Variants in FAM193A observed in about 807,000 individuals in gnomAD.
FAM193A encodes the protein protein FAM193A.
Under a neutral mutation model 126.5 loss-of-function variants are expected in FAM193A, and 22 were observed. That is an observed-to-expected ratio of 0.17 (90% confidence interval 0.12 to 0.25). The LOEUF (loss-of-function observed/expected upper bound fraction) is 0.25, where lower values mean the gene tolerates loss of function less well. FAM193A is among the 10% of genes least tolerant of loss of function. The pLI, the probability that FAM193A is intolerant of heterozygous loss-of-function variation, is 1.00. For synonymous variants in FAM193A, 761 were observed against 646.8 expected (o/e 1.18, Z -2.68); for missense variants, 1,675 against 1,672.8 (o/e 1.00, Z -0.02).
chr4:2,628,037 C>T (rs963216359), intron 4 of FAM193A, among the ~76,000 whole-genome samples: 4 of 152,094 alleles, frequency 2.6e-5, no homozygotes, highest in Non-Finnish European at 5.9e-5. Flanking sequence ...CCACCACACC[C>T]GGCTGCGCCC....
intron 19 of FAM193A, among the ~76,000 whole-genome samples, chr4:2,711,667 G>A (rs1173349335): frequency 2.0e-5 from 3 of 151,422 alleles, no homozygotes; most frequent in Non-Finnish European, 4.4e-5. Flanking sequence ...AGAAATTCTG[G>A]GCTGGGCGCT....
chr4:2,701,381 G>A (rs1717718960), intron 19 of FAM193A, among the ~76,000 whole-genome samples: 1 of 151,614 alleles, frequency 6.6e-6, no homozygotes, highest in African/African-American at 2.4e-5. Context: ...CTTTGGATCG[G>A]TTTCTCTGTT....
Position 2,583,531 on chromosome 4 carries a change from G to A in FAM193A, c.256-12553G>A, listed in dbSNP as rs144646737. ...CTTCCTGGCTTCTGGTCCCCTCCCT[G>A]AGTTCTGCGCTACTGTCTTTGCTTC... On this transcript the variant is annotated intron_variant, in intron 1 of 20. Transcript: ENST00000637812. Among the ~76,000 whole-genome samples, 69 of 152,144 alleles carry A rather than the reference G, an allele frequency of 4.5e-4. No homozygotes were observed. In the East Asian group the frequency reaches 0.01, roughly 23 times the overall value.
At chr4:2,679,751 T>A (rs935613465) in intron 13 of FAM193A, among the ~76,000 whole-genome samples, 6 of 152,196 alleles carry the variant, frequency 3.9e-5, no homozygotes, top group Non-Finnish European at 8.8e-5. Flanking sequence ...AAGTGTTCCC[T>A]CCTCTTCAGT....
At chr4:2,704,968 G>GT (rs776579250) in intron 19 of FAM193A, among the ~76,000 whole-genome samples, 40 of 152,278 alleles carry the variant, frequency 2.6e-4, no homozygotes, top group Non-Finnish European at 5.4e-4. Context: ...CTGGAGTGCA[G>GT]TGGCGCGATC....
chr4:2,676,190 G>T (rs892311939), intron 13 of FAM193A, among the ~76,000 whole-genome samples: 2 of 152,136 alleles, frequency 1.3e-5, no homozygotes, highest in African/African-American at 4.8e-5. Flanking sequence ...ATTTTTGGAG[G>T]AACTGCCACC....
At chr4:2,709,436 G>A (rs762718788) in intron 19 of FAM193A, among the ~76,000 whole-genome samples, 50 of 152,174 alleles carry the variant, frequency 3.3e-4, no homozygotes, top group Middle Eastern at 3.4e-3. Flanking sequence ...GGCTGGGCAC[G>A]GTGGCTCATG....
chr4:2,670,930 G>C (rs544188246), intron 12 of FAM193A, among the ~76,000 whole-genome samples: 3 of 152,156 alleles, frequency 2.0e-5, no homozygotes, highest in Non-Finnish European at 2.9e-5. Context: ...TGCAGGACCT[G>C]TATCTCCCAC....
At chr4:2,572,822 G>A (rs1577024132) in intron 1 of FAM193A, among the ~76,000 whole-genome samples, 1 of 148,916 alleles carries the variant, frequency 6.7e-6, no homozygotes, top group East Asian at 2.0e-4. Flanking sequence ...AGTGAGAATA[G>A]TGGTTTGCTG....
intron 19 of FAM193A, among the ~76,000 whole-genome samples, chr4:2,705,535 T>C (rs1414344244): frequency 6.6e-6 from 1 of 152,038 alleles, no homozygotes; most frequent in African/African-American, 2.4e-5. Flanking sequence ...ATGGATCCAA[T>C]TTCTCTTTTT....
intron 12 of FAM193A, among the ~76,000 whole-genome samples, chr4:2,663,725 G>A (rs1277229157): frequency 6.6e-6 from 1 of 152,190 alleles, no homozygotes; most frequent in Non-Finnish European, 1.5e-5. Flanking sequence ...CCAGCACTTT[G>A]GGAGGCCAAG....
At chr4:2,599,128 A>G (rs1352607958) in intron 2 of FAM193A, among the ~76,000 whole-genome samples, 1 of 152,086 alleles carries the variant, frequency 6.6e-6, no homozygotes, top group Non-Finnish European at 1.5e-5. Flanking sequence ...CCTGGGAATG[A>G]GTGGGAACAT....
intron 2 of FAM193A, among the ~76,000 whole-genome samples, chr4:2,603,781 C>T (rs930941335): frequency 6.6e-6 from 1 of 151,990 alleles, no homozygotes. Context: ...TTTATTATTT[C>T]TGTTTTCACC....
intron 2 of FAM193A, among the ~76,000 whole-genome samples, chr4:2,601,423 TG>T (rs1741191738): frequency 6.6e-6 from 1 of 151,686 alleles, no homozygotes; most frequent in Non-Finnish European, 1.5e-5. Flanking sequence ...TTAGTAGAGA[TG>T]GGGTTTCGCC....
chr4:2,711,756 G>C (rs1178733896), intron 19 of FAM193A, among the ~76,000 whole-genome samples: 1 of 151,786 alleles, frequency 6.6e-6, no homozygotes, highest in African/African-American at 2.4e-5. Context: ...CGGAAACCCT[G>C]TATCTACTAA....
In FAM193A at chr4:2,678,722, A is replaced by G. The variant is rs148852284; in HGVS notation, c.2331+6350A>G. On this transcript the variant is annotated intron_variant, in intron 13 of 20. Coordinates refer to ENST00000637812, the MANE Select transcript of FAM193A (RefSeq NM_001366318.2). ...ATTGTTTTCATAATTTCCTTTTCCAACTGACCATTGTTAGTGTATAGACAT... is the reference window on the plus strand; with the variant it reads ...ATTGTTTTCATAATTTCCTTTTCCAGCTGACCATTGTTAGTGTATAGACAT... Among the ~76,000 whole-genome samples, 656 of 152,284 alleles carry G rather than the reference A, an allele frequency of 4.3e-3. 1 individual carries two copies. Among genetic ancestry groups the G allele is most frequent in the Non-Finnish European group, 8.0e-3 (545 of 68,012 alleles).
chr4:2,711,012 C>T (rs557762812), intron 19 of FAM193A, among the ~76,000 whole-genome samples: 46 of 151,576 alleles, frequency 3.0e-4, no homozygotes, highest in East Asian at 2.0e-4. Context: ...CCACCTCGCC[C>T]GGCTAATTTT....
chr4:2,690,873 C>G lies in FAM193A; in HGVS notation c.2706C>G (p.Ala902=), dbSNP rs747006073. The G allele has an allele frequency of 1.3e-5, 21 of 1,613,954 alleles. No individual in the cohort carries two copies. In the South Asian group the frequency reaches 2.3e-4, roughly 18 times the overall value. ...AFMEANKVVM[A]TSSATSSVSC... ...TGGAAGCAAATAAAGTTGTCATGGC[C>G]ACGTCATCAGCCACGTCCTCTGTGT... The change falls in exon 15 of 21, where the codon GCC becomes GCG. Residue 902 remains alanine (A), a synonymous_variant. Coordinates refer to ENST00000637812, the MANE Select transcript of FAM193A (RefSeq NM_001366318.2).
chr4:2,555,559 C>G (rs1056830067), intron 1 of FAM193A, among the ~76,000 whole-genome samples: 1 of 152,130 alleles, frequency 6.6e-6, no homozygotes, highest in Non-Finnish European at 1.5e-5. Context: ...CAGGAGGATC[C>G]CTTGAGCCCG....
Sources: allele counts gnomAD v4.1 joint callset (sites outside exome capture counted in the v4.1 genomes callset), GRCh38; gene constraint gnomAD v4.1.1; transcripts MANE v1.5; gene names NCBI Gene and HGNC (gene_info 2026-07-23, HGNC 2026-07-21).